PDE11A: variants seen among roughly 807,000 people sequenced by gnomAD.
PDE11A encodes phosphodiesterase 11A, also known as dual 3',5'-cyclic-AMP and -GMP phosphodiesterase 11A.
Under a neutral mutation model 100.5 loss-of-function variants are expected in PDE11A, and 100 were observed. The ratio of observed to expected loss-of-function variants is 1.00; its 90% CI spans 0.85 to 1.18. The LOEUF (loss-of-function observed/expected upper bound fraction) is 1.18. Ranked by LOEUF, PDE11A falls within the 50% of genes most tolerant of loss-of-function variation. The pLI, the probability that PDE11A is intolerant of heterozygous loss-of-function variation, is 0.00. For missense variants in PDE11A, 1,141 were observed against 1,152.6 expected (o/e 0.99, Z 0.15); for synonymous variants, 381 against 420.8 (o/e 0.91, Z 1.16).
At chr2:177,934,715 G>A (rs963776693) in intron 2 of PDE11A, among the ~76,000 whole-genome samples, 1 of 152,144 alleles carries the variant, frequency 6.6e-6, no homozygotes, top group Non-Finnish European at 1.5e-5. Flanking sequence ...GTTCACAATA[G>A]CAAAGCATGG....
intron 1 of PDE11A, among the ~76,000 whole-genome samples, chr2:178,063,462 G>A (rs923596513): frequency 5.3e-5 from 8 of 152,174 alleles, no homozygotes; most frequent in Non-Finnish European, 7.3e-5. Flanking sequence ...GTGCAGGGCC[G>A]CATAGGGAAA....
intron 9 of PDE11A, among the ~76,000 whole-genome samples, chr2:177,799,861 T>C (rs1574155010): frequency 2.0e-5 from 3 of 152,174 alleles, no homozygotes; most frequent in African/African-American, 7.2e-5. Context: ...AAGTATTCGC[T>C]TTCATCTTGT....
At chr2:177,704,686 G>A (rs540671787) in intron 13 of PDE11A, among the ~76,000 whole-genome samples, 11 of 152,246 alleles carry the variant, frequency 7.2e-5, no homozygotes, top group Admixed American at 6.5e-4. Context: ...AGTAAAAAGG[G>A]TTCCGTGGCC....
At chr2:177,701,478 A>G (rs1163649819) in intron 13 of PDE11A, among the ~76,000 whole-genome samples, 3 of 152,154 alleles carry the variant, frequency 2.0e-5, no homozygotes, top group African/African-American at 7.2e-5. Context: ...CTCTGCCCCT[A>G]AGAAATTTAC....
chr2:177,682,019 G>A (rs1420796167), intron 15 of PDE11A, among the ~76,000 whole-genome samples: 2 of 152,138 alleles, frequency 1.3e-5, no homozygotes, highest in Non-Finnish European at 2.9e-5. Flanking sequence ...GGAGAATTAA[G>A]TAAGAGCTTG....
chr2:178,064,110 ATAT>A (rs2087008415), intron 1 of PDE11A, among the ~76,000 whole-genome samples: 1 of 152,234 alleles, frequency 6.6e-6, no homozygotes, highest in Non-Finnish European at 1.5e-5. Flanking sequence ...ATGTCTGAAC[ATAT>A]TATCCCTATA....
chr2:177,972,086 G>A (rs2085778506), intron 2 of PDE11A, among the ~76,000 whole-genome samples: 1 of 152,208 alleles, frequency 6.6e-6, no homozygotes, highest in Non-Finnish European at 1.5e-5. Flanking sequence ...ATCAAGCTAA[G>A]TTTGTATAAT....
chr2:177,646,285 T>C (rs1483094765), intron 19 of PDE11A, among the ~76,000 whole-genome samples: 1 of 152,246 alleles, frequency 6.6e-6, no homozygotes, highest in Admixed American at 6.5e-5. Flanking sequence ...GAAACAAGTC[T>C]GTGAGCTGAA....
intron 1 of PDE11A, among the ~76,000 whole-genome samples, chr2:178,050,114 G>GA (rs1409686883): frequency 1.3e-5 from 2 of 152,118 alleles, no homozygotes. Context: ...GGGGCAGACT[G>GA]ACACCTCATA....
chr2:177,876,006 AT>A, intron 4 of PDE11A, 83 bp from the exon 5 acceptor site: 2 of 811,854 alleles, frequency 2.5e-6, no homozygotes, highest in South Asian at 2.8e-5. Flanking sequence ...TTTCATCTTT[AT>A]AATGATTATA....
chr2:177,826,627 G>A (rs560886877), intron 6 of PDE11A, among the ~76,000 whole-genome samples: 1 of 152,310 alleles, frequency 6.6e-6, no homozygotes, highest in African/African-American at 2.4e-5. Context: ...AAATGATTGT[G>A]CTTGGAGCTG....
In PDE11A at chr2:177,840,274, G is replaced by T. The variant is rs780883021; in HGVS notation, c.1477C>A (p.Gln493Lys). 6.2e-7 allele frequency: 1 copy of T among 1,614,100 alleles called. No individual in the cohort carries two copies. Among genetic ancestry groups the T allele is most frequent in the South Asian group, 1.1e-5 (1 of 91,066 alleles). Residue 493 changes from glutamine to lysine, a missense_variant, in exon 6 of 20, where the codon CAG becomes AAG. By Grantham distance (53) the Gln-to-Lys change is moderately conservative. Transcript: ENST00000286063. ...GLPVNISDAY[Q>K]DPRFDAEADQ... The stretch of plus-strand genomic sequence containing the variant: ...ACCTCTGCATCAAAGCGCGGATCCT[G>T]GTAGGCATCACTGATGTTCACTGGA...
At chr2:177,827,789 A>C in intron 6 of PDE11A, among the ~76,000 whole-genome samples, 1 of 152,228 alleles carries the variant, frequency 6.6e-6, no homozygotes, top group East Asian at 1.9e-4. Flanking sequence ...AATGGTGAGG[A>C]TATTTGTAAA....
intron 4 of PDE11A, among the ~76,000 whole-genome samples, chr2:177,890,668 A>C (rs2084515519): frequency 6.6e-6 from 1 of 152,042 alleles, no homozygotes; most frequent in African/African-American, 2.4e-5. Flanking sequence ...CATTTAGCAA[A>C]TCCTCTCTCC....
At chr2:177,956,306 A>G (rs1468421472) in intron 2 of PDE11A, among the ~76,000 whole-genome samples, 4 of 152,234 alleles carry the variant, frequency 2.6e-5, no homozygotes, top group Admixed American at 6.5e-5. Flanking sequence ...AACACATGAA[A>G]AAATGCTCAT....
intron 12 of PDE11A, among the ~76,000 whole-genome samples, chr2:177,721,062 TAA>T (rs1049336635): frequency 3.3e-5 from 5 of 152,176 alleles, no homozygotes; most frequent in Non-Finnish European, 7.4e-5. Context: ...ATTTTATATA[TAA>T]CTTTATTATT....
intron 2 of PDE11A, among the ~76,000 whole-genome samples, chr2:177,925,072 T>C (rs1307339549): frequency 6.6e-6 from 1 of 150,698 alleles, no homozygotes; most frequent in African/African-American, 2.4e-5. Flanking sequence ...TCATTTTTTA[T>C]GGCTGCATAG....
chr2:177,704,408 ACACT>A (rs2081248288), intron 13 of PDE11A, among the ~76,000 whole-genome samples: 1 of 151,900 alleles, frequency 6.6e-6, no homozygotes, highest in Non-Finnish European at 1.5e-5. Context: ...TCCCTTATTT[ACACT>A]ATTAGATTTG....
intron 19 of PDE11A, among the ~76,000 whole-genome samples, chr2:177,657,532 A>C (rs950874519): frequency 6.6e-6 from 1 of 152,206 alleles, no homozygotes; most frequent in Non-Finnish European, 1.5e-5. Flanking sequence ...GTTTTACTAC[A>C]AAGCTCTAGC....
Sources: gnomAD v4.1 joint callset for allele counts (sites outside exome capture counted in the v4.1 genomes callset) on GRCh38, gnomAD v4.1.1 for gene constraint, MANE v1.5 for transcripts, NCBI Gene and HGNC (gene_info 2026-07-23, HGNC 2026-07-21) for gene names.